The following WDR70 variants were observed in gnomAD, a reference collection of about 807,000 sequenced individuals.
WDR70 encodes WD repeat-containing protein 70.
Under a neutral mutation model 88.6 loss-of-function variants are expected in WDR70, and 53 were observed. The ratio of observed to expected loss-of-function variants is 0.60; its 90% confidence interval spans 0.48 to 0.75. WDR70 has a LOEUF of 0.75. Among genes scored for constraint, WDR70 ranks in the 30% least tolerant of loss-of-function variants. The pLI is 0.00. For missense variants in WDR70, 610 were observed against 823.2 expected (o/e 0.74, Z 3.17); for synonymous variants, 280 against 270.0 (o/e 1.04, Z -0.36).
intron 8 of WDR70, among the ~76,000 whole-genome samples, chr5:37,514,336 CTACATA>C (rs1445023387): frequency 9.1e-5 from 1 of 10,944 alleles, no homozygotes; most frequent in East Asian, 0.013. Flanking sequence ...ATATTTAGAA[CTACATA>C]TATATATATA....
intron 8 of WDR70, among the ~76,000 whole-genome samples, chr5:37,511,834 AT>A (rs1489634086): frequency 1.3e-5 from 2 of 152,130 alleles, no homozygotes; most frequent in Non-Finnish European, 2.9e-5. Flanking sequence ...TTAGTTCTTC[AT>A]TATATTGAAG....
intron 7 of WDR70, among the ~76,000 whole-genome samples, chr5:37,479,104 C>A (rs995219194): frequency 6.6e-6 from 1 of 151,904 alleles, no homozygotes; most frequent in Non-Finnish European, 1.5e-5. Context: ...TTTCCATGGA[C>A]TGGAAGAGGT....
At chr5:37,588,138 A>G (rs1259694682) in intron 9 of WDR70, among the ~76,000 whole-genome samples, 1 of 152,208 alleles carries the variant, frequency 6.6e-6, no homozygotes. Flanking sequence ...ATACTAAGAC[A>G]TATATAATAT....
chr5:37,695,235 C>T lies in WDR70; in HGVS notation c.1093-2420C>T, dbSNP rs571064357. ...TCACCCACTATCATGAGGACAGTAC[C>T]AAAGGGACTGGTGCTAAACCATTCA... On this transcript the variant is annotated intron_variant, in intron 10 of 17. Transcript: ENST00000265107. 2.0e-5 allele frequency among the ~76,000 whole-genome samples: 3 copies of T among 152,216 alleles called. No homozygotes were observed. In the East Asian group the frequency reaches 5.8e-4, roughly 29 times the overall value.
At chr5:37,671,179 T>C (rs1335910247) in intron 10 of WDR70, among the ~76,000 whole-genome samples, 2 of 152,184 alleles carry the variant, frequency 1.3e-5, no homozygotes, top group Non-Finnish European at 2.9e-5. Context: ...ACAATTCTAT[T>C]GAGAGGTCAT....
intron 10 of WDR70, among the ~76,000 whole-genome samples, chr5:37,671,267 A>G (rs911724680): frequency 1.4e-4 from 21 of 152,136 alleles, no homozygotes; most frequent in African/African-American, 5.1e-4. Context: ...TCATCTTATT[A>G]TTGGAATTTG....
chr5:37,388,752 A>AAAAAG (rs1361300856), intron 3 of WDR70, among the ~76,000 whole-genome samples: 6 of 147,420 alleles, frequency 4.1e-5, no homozygotes, highest in Non-Finnish European at 9.0e-5. Flanking sequence ...AAAAAAAAAC[A>AAAAAG]AAAAGAAAAA....
At chr5:37,626,027 A>G (rs543100942) in intron 10 of WDR70, among the ~76,000 whole-genome samples, 1 of 150,246 alleles carries the variant, frequency 6.7e-6, no homozygotes, top group African/African-American at 2.4e-5. Flanking sequence ...TTTGTAGTAA[A>G]GTCGGTATGT....
At chr5:37,438,028 T>C in intron 6 of WDR70, 47 bp downstream of exon 6, 4 of 1,531,992 alleles carry the variant, frequency 2.6e-6, no homozygotes, top group Non-Finnish European at 3.6e-6. Context: ...TACAGGGCTG[T>C]CATGGAAAAG....
chr5:37,506,151 C>G (rs183708256), intron 8 of WDR70: 1 of 1,065,336 alleles, frequency 9.4e-7, no homozygotes, highest in Admixed American at 1.7e-5. Flanking sequence ...GTTAATGTAT[C>G]GAAGGTCCTA....
At chr5:37,624,157 A>G (rs1396507838) in intron 10 of WDR70, among the ~76,000 whole-genome samples, 1 of 152,134 alleles carries the variant, frequency 6.6e-6, no homozygotes, top group Non-Finnish European at 1.5e-5. Context: ...TCTCCTGTCT[A>G]GCTATAATTT....
At chr5:37,558,971 G>T (rs899196325) in intron 9 of WDR70, among the ~76,000 whole-genome samples, 1 of 149,544 alleles carries the variant, frequency 6.7e-6, no homozygotes, top group Non-Finnish European at 1.5e-5. Flanking sequence ...TAGCTCCGTC[G>T]CCTGGGCTGG....
intron 9 of WDR70, among the ~76,000 whole-genome samples, chr5:37,578,787 A>G (rs1476904128): frequency 1.3e-5 from 2 of 152,220 alleles, no homozygotes; most frequent in East Asian, 1.9e-4. Context: ...CAAGTTTTAT[A>G]GAAAGGGAGT....
intron 10 of WDR70, among the ~76,000 whole-genome samples, chr5:37,610,744 A>T (rs917332639): frequency 6.6e-6 from 1 of 152,208 alleles, no homozygotes; most frequent in Admixed American, 6.5e-5. Flanking sequence ...TGCCCATCAT[A>T]TGGAAGAGTT....
At chr5:37,444,110 C>T (rs531613197) in intron 7 of WDR70, among the ~76,000 whole-genome samples, 2 of 151,818 alleles carry the variant, frequency 1.3e-5, no homozygotes, top group Admixed American at 1.3e-4. Context: ...GATTGCGCCA[C>T]TGCACTCCAT....
intron 11 of WDR70, chr5:37,700,551 A>C (rs1395244888): frequency 1.3e-5 from 2 of 152,594 alleles, no homozygotes; most frequent in Admixed American, 1.3e-4. Flanking sequence ...AGAGAAGGGA[A>C]TCACATGGCT....
At chr5:37,637,344 TAAA>T (rs1745000370) in intron 10 of WDR70, among the ~76,000 whole-genome samples, 1 of 53,846 alleles carries the variant, frequency 1.9e-5, no homozygotes, top group South Asian at 4.9e-4. Context: ...ATAAATTAAA[TAAA>T]TAAATAAATA....
In WDR70 at chr5:37,554,673, T is replaced by TGCAC. The variant is rs1425499768; in HGVS notation, c.917+38088_917+38091dup. Among the ~76,000 whole-genome samples, 44 of 91,564 alleles carry TGCAC rather than the reference T, an allele frequency of 4.8e-4. No homozygotes were observed. The Middle Eastern group carries it at 0.013, about 27-fold the overall frequency. 60.1% of individuals were successfully genotyped at this position (91,564 alleles called of 152,430 possible). Reference sequence around the variant, plus strand: ...ACACATACTCACACACGCATGCACCTGCACGCACACACACACACACACACA... The same window carrying TGCAC: ...ACACATACTCACACACGCATGCACCTGCACGCACGCACACACACACACACACACA... On this transcript the variant is annotated intron_variant, in intron 9 of 17. Coordinates refer to ENST00000265107, the MANE Select transcript of WDR70 (RefSeq NM_018034.4).
At chr5:37,613,332 C>A (rs1386513470) in intron 10 of WDR70, among the ~76,000 whole-genome samples, 2 of 151,960 alleles carry the variant, frequency 1.3e-5, no homozygotes, top group Non-Finnish European at 2.9e-5. Flanking sequence ...AAGCATAAAC[C>A]CAAATGGATG....
Sources: gnomAD v4.1 joint callset for allele counts (sites outside exome capture counted in the v4.1 genomes callset) on GRCh38, gnomAD v4.1.1 for gene constraint, MANE v1.5 for transcripts, NCBI Gene and HGNC (gene_info 2026-07-23, HGNC 2026-07-21) for gene names.